The following SCAF4 variants were observed in gnomAD, a reference collection of about 807,000 sequenced individuals.
The protein encoded by SCAF4 is SR-related and CTD-associated factor 4.
A neutral mutation model predicts 129.8 loss-of-function variants in SCAF4; 25 were observed. The observed-to-expected ratio is 0.19, with a 90% CI of 0.14 to 0.27. SCAF4 has a LOEUF of 0.27. Ranked by LOEUF, SCAF4 falls within the 10% of genes least tolerant of loss-of-function variation. SCAF4 has a pLI of 1.00. For synonymous variants in SCAF4, 551 were observed against 497.7 expected (o/e 1.11, Z -1.43); for missense variants, 1,246 against 1,457.1 (o/e 0.86, Z 2.36).
In SCAF4 at chr21:31,683,444, A is replaced by C. The variant is rs76500467; in HGVS notation, c.2488+1605T>G. Among the ~76,000 whole-genome samples the C allele has an allele frequency of 7.4e-3, 1,133 of 152,332 alleles. 26 individuals are homozygous for C. Among genetic ancestry groups the C allele is most frequent in the African/African-American group, 0.026 (1,080 of 41,572 alleles). ...CAGGGTCTTCAAGACCTAAATGTTA[A>C]ATCACAGGCAGGCTACTTACTACGC... On this transcript the variant is annotated intron_variant, in intron 19 of 19. Transcript: ENST00000286835.
chr21:31,730,720 C>T (rs1174480416), intron 1 of SCAF4, among the ~76,000 whole-genome samples: 1 of 152,226 alleles, frequency 6.6e-6, no homozygotes, highest in Non-Finnish European at 1.5e-5. Flanking sequence ...AAGTCTCCTC[C>T]TCCCAAATCG....
At chr21:31,728,256 T>C (rs1198322676) in intron 1 of SCAF4, among the ~76,000 whole-genome samples, 1 of 152,194 alleles carries the variant, frequency 6.6e-6, no homozygotes, top group African/African-American at 2.4e-5. Context: ...CAAACAAACG[T>C]ACTGCCTATC....
At chr21:31,720,296 T>A (rs1287858621) in intron 1 of SCAF4, among the ~76,000 whole-genome samples, 1 of 152,166 alleles carries the variant, frequency 6.6e-6, no homozygotes, top group East Asian at 1.9e-4. Flanking sequence ...TTTAATGGAG[T>A]ATAAACTGGT....
In SCAF4 at chr21:31,688,472, C is replaced by A; in HGVS notation, c.1886-8G>T. 6.2e-7 allele frequency: 1 copy of A among 1,608,462 alleles called. No individual in the cohort carries two copies. The highest frequency in any genetic ancestry group is 8.5e-7 in the Non-Finnish European group (1 of 1,176,320). On this transcript the variant is annotated splice_polypyrimidine_tract_variant and splice_region_variant and intron_variant, in intron 15 of 19. Transcript: ENST00000286835. The stretch of plus-strand genomic sequence containing the variant: ...TAGGAATTCCTTTCCAATCTGTGAG[C>A]GTGAAAGAAATTTAACAAGAGTTTA...
chr21:31,727,638 A>T (rs1413433526), intron 1 of SCAF4, among the ~76,000 whole-genome samples: 1 of 152,098 alleles, frequency 6.6e-6, no homozygotes, highest in Non-Finnish European at 1.5e-5. Context: ...CTAAAAATAC[A>T]AAAATTAGCT....
chr21:31,700,968 G>A (rs757267386), intron 7 of SCAF4, 27 bp downstream of exon 7: 2 of 1,606,044 alleles, frequency 1.2e-6, no homozygotes, highest in Non-Finnish European at 1.7e-6. Flanking sequence ...TATAAATGGT[G>A]GGGTGGGTTA....
intron 9 of SCAF4, among the ~76,000 whole-genome samples, chr21:31,695,644 A>T (rs2050367286): frequency 6.6e-6 from 1 of 152,266 alleles, no homozygotes; most frequent in African/African-American, 2.4e-5. Context: ...AATCAAGTTT[A>T]AGAAACACTC....
chr21:31,690,119 C>T (rs2173963), intron 15 of SCAF4, among the ~76,000 whole-genome samples: 17,655 of 152,186 alleles, frequency 0.12, 1,443 homozygotes, highest in East Asian at 0.32. Context: ...CATTGTCTTA[C>T]ACGTTTACTT....
chr21:31,705,957 C>G (rs4816409), intron 2 of SCAF4, among the ~76,000 whole-genome samples: 55,559 of 152,108 alleles, frequency 0.37, 11,574 homozygotes, highest in East Asian at 0.82. Flanking sequence ...GTAATCTCAG[C>G]TACTCAGGTG....
intron 19 of SCAF4, among the ~76,000 whole-genome samples, chr21:31,682,710 C>T (rs1248318938): frequency 6.6e-6 from 1 of 152,112 alleles, no homozygotes; most frequent in African/African-American, 2.4e-5. Flanking sequence ...ATAACAATTC[C>T]TTTTATTATC....
intron 1 of SCAF4, among the ~76,000 whole-genome samples, chr21:31,724,457 A>G (rs1335310626): frequency 6.6e-6 from 1 of 152,206 alleles, no homozygotes; most frequent in African/African-American, 2.4e-5. Context: ...TCAGCTTATC[A>G]TGAAAGTTGT....
chr21:31,717,366 A>G (rs1445640404), intron 1 of SCAF4, among the ~76,000 whole-genome samples: 1 of 152,184 alleles, frequency 6.6e-6, no homozygotes, highest in Non-Finnish European at 1.5e-5. Flanking sequence ...AGTGGAGGAG[A>G]AAAAAAGACA....
chr21:31,676,770 T>C (rs2049866524), intron 19 of SCAF4, among the ~76,000 whole-genome samples: 1 of 152,210 alleles, frequency 6.6e-6, no homozygotes, highest in African/African-American at 2.4e-5. Flanking sequence ...TTCACAGAAT[T>C]GGGCAACTAT....
chr21:31,711,447 G>A (rs895424792), intron 1 of SCAF4, among the ~76,000 whole-genome samples: 2 of 152,112 alleles, frequency 1.3e-5, no homozygotes, highest in Non-Finnish European at 2.9e-5. Context: ...ATACTTTCCT[G>A]GTAAGCATGT....
Position 31,694,297 on chromosome 21 carries a change from A to C in SCAF4, c.1237-8T>G. ...TTGTTCTACTTCCATTTCCTTAAAA[A>C]ACAAAAACCATGATAAAATGAGAAA... On this transcript the variant is annotated splice_polypyrimidine_tract_variant and splice_region_variant and intron_variant, in intron 10 of 19. Coordinates refer to ENST00000286835, the MANE Select transcript of SCAF4 (RefSeq NM_020706.2). 1 of 1,532,394 alleles carries C rather than the reference A, an allele frequency of 6.5e-7. No homozygotes were observed. The highest frequency in any genetic ancestry group is 9.0e-7 in the Non-Finnish European group (1 of 1,113,618). 94.9% of individuals were successfully genotyped at this position (1,532,394 alleles called of 1,614,324 possible). A position where few individuals can be genotyped will look rare whatever the true frequency, so the allele number is the denominator to read the frequency against.
chr21:31,720,640 ACCATTCG>A (rs973690167), intron 1 of SCAF4, among the ~76,000 whole-genome samples: 18 of 152,312 alleles, frequency 1.2e-4, no homozygotes, highest in African/African-American at 4.3e-4. Context: ...GTGACCTCAG[ACCATTCG>A]CCAAACTTCT....
intron 1 of SCAF4, among the ~76,000 whole-genome samples, chr21:31,713,473 T>C (rs1191252035): frequency 6.6e-6 from 1 of 152,176 alleles, no homozygotes; most frequent in Non-Finnish European, 1.5e-5. Flanking sequence ...TAGATATTAA[T>C]GAGTACTACA....
At chr21:31,686,230 AAGG>A (rs1601195719) in intron 16 of SCAF4, among the ~76,000 whole-genome samples, 2 of 151,756 alleles carry the variant, frequency 1.3e-5, no homozygotes, top group East Asian at 1.9e-4. Flanking sequence ...AAAAAAAAAA[AAGG>A]AAAGAAAGAA....
chr21:31,727,295 G>C (rs1377678455), intron 1 of SCAF4, among the ~76,000 whole-genome samples: 1 of 152,006 alleles, frequency 6.6e-6, no homozygotes, highest in African/African-American at 2.4e-5. Context: ...AGCCAGGCTG[G>C]TCTGTAACTC....
Sources: allele counts gnomAD v4.1 joint callset (sites outside exome capture counted in the v4.1 genomes callset), GRCh38; gene constraint gnomAD v4.1.1; transcripts MANE v1.5; gene names NCBI Gene and HGNC (gene_info 2026-07-23, HGNC 2026-07-21).